The following AK5 variants were observed in gnomAD, a reference collection of about 807,000 sequenced individuals.
The protein encoded by AK5 is adenylate kinase 5.
In AK5, 27 loss-of-function variants were observed where a neutral mutation model predicts 69.5. That is an observed-to-expected ratio of 0.39 (90% CI 0.29 to 0.54). The LOEUF (loss-of-function observed/expected upper bound fraction) is 0.54. Among genes scored for constraint, AK5 ranks in the 20% least tolerant of loss-of-function variants. The pLI is 0.71. For synonymous variants in AK5, 260 were observed against 244.4 expected (o/e 1.06, Z -0.60); for missense variants, 531 against 700.4 (o/e 0.76, Z 2.73).
intron 6 of AK5, among the ~76,000 whole-genome samples, chr1:77,373,630 G>A (rs1647162521): frequency 6.6e-6 from 1 of 151,978 alleles, no homozygotes; most frequent in African/African-American, 2.4e-5. Flanking sequence ...GGAGGCTGAG[G>A]CAGAACAATC....
chr1:77,361,192 C>T (rs1470312735), intron 6 of AK5, among the ~76,000 whole-genome samples: 2 of 152,206 alleles, frequency 1.3e-5, no homozygotes, highest in African/African-American at 2.4e-5. Context: ...ACTCAAGCCT[C>T]TACAGTCTCC....
chr1:77,516,318 G>A (rs930815037), intron 10 of AK5, among the ~76,000 whole-genome samples: 4 of 152,106 alleles, frequency 2.6e-5, no homozygotes, highest in African/African-American at 9.7e-5. Flanking sequence ...CTAGGGAAGT[G>A]AGGAGATGTG....
chr1:77,309,679 G>T (rs866682614), intron 5 of AK5, among the ~76,000 whole-genome samples: 1 of 151,992 alleles, frequency 6.6e-6, no homozygotes, highest in Non-Finnish European at 1.5e-5. Context: ...AAGTGTTTCT[G>T]TATCACTATT....
At chr1:77,363,363 A>G (rs532974785) in intron 6 of AK5, among the ~76,000 whole-genome samples, 2 of 152,120 alleles carry the variant, frequency 1.3e-5, no homozygotes, top group African/African-American at 2.4e-5. Context: ...AAGCCACACC[A>G]TCTCTCTACT....
chr1:77,350,784 C>A (rs1373952723), intron 6 of AK5, among the ~76,000 whole-genome samples: 4 of 151,992 alleles, frequency 2.6e-5, no homozygotes, highest in African/African-American at 9.7e-5. Context: ...CATGGCAAGG[C>A]TGAAAGGAAA....
chr1:77,508,751 C>T (rs1657159324), intron 10 of AK5, among the ~76,000 whole-genome samples: 1 of 151,922 alleles, frequency 6.6e-6, no homozygotes, highest in African/African-American at 2.4e-5. Flanking sequence ...CCTGTAATCC[C>T]AGCTACTCGA....
At chr1:77,396,575 T>G (rs1648843208) in intron 6 of AK5, among the ~76,000 whole-genome samples, 1 of 152,192 alleles carries the variant, frequency 6.6e-6, no homozygotes, top group Non-Finnish European at 1.5e-5. Context: ...GACCTGGGAA[T>G]AGTGAGTAAG....
intron 5 of AK5, among the ~76,000 whole-genome samples, chr1:77,312,817 G>A (rs1405266103): frequency 2.6e-5 from 4 of 151,856 alleles, no homozygotes; most frequent in African/African-American, 9.7e-5. Context: ...TCCCTCTGAG[G>A]GGTTGATCCC....
In AK5 at chr1:77,558,696, T is replaced by A. The variant is rs142470217; in HGVS notation, c.*26T>A. On this transcript the variant is annotated 3_prime_UTR_variant, in exon 14 of 14. Transcript: ENST00000354567. ...AGGCAAAAATGCATGTTTGTTAGAATGGAAACAGAAAAACATTAAAAAGTT... is the reference window on the plus strand; with the variant it reads ...AGGCAAAAATGCATGTTTGTTAGAAAGGAAACAGAAAAACATTAAAAAGTT... The A allele has an allele frequency of 2.1e-6, 3 of 1,462,126 alleles. No individual in the cohort carries two copies. In the South Asian group the frequency reaches 3.5e-5, roughly 17 times the overall value. The allele number at this position is 1,462,126 out of a possible 1,614,324, so 90.6% of individuals were successfully genotyped here.
At chr1:77,292,036 C>T (rs564527388) in intron 2 of AK5, among the ~76,000 whole-genome samples, 2 of 152,220 alleles carry the variant, frequency 1.3e-5, no homozygotes, top group African/African-American at 4.8e-5. Context: ...GCAGGTAGAT[C>T]AGTAAATAGT....
chr1:77,287,712 C>T (rs1557463795), intron 2 of AK5, among the ~76,000 whole-genome samples: 2 of 152,112 alleles, frequency 1.3e-5, no homozygotes, highest in South Asian at 2.1e-4. Flanking sequence ...AGCGCAGCCA[C>T]GTGGTGGAAG....
At chr1:77,306,403 C>G (rs539316599) in intron 5 of AK5, among the ~76,000 whole-genome samples, 1 of 151,802 alleles carries the variant, frequency 6.6e-6, no homozygotes, top group Non-Finnish European at 1.5e-5. Context: ...GTATGTTGAA[C>G]CATCTTTGCA....
intron 6 of AK5, among the ~76,000 whole-genome samples, chr1:77,379,934 G>T (rs910671982): frequency 6.6e-6 from 1 of 152,196 alleles, no homozygotes; most frequent in African/African-American, 2.4e-5. Flanking sequence ...TTTATTGTAA[G>T]AAGGCTGGAT....
chr1:77,511,481 C>G (rs1310557143), intron 10 of AK5, among the ~76,000 whole-genome samples: 1 of 152,104 alleles, frequency 6.6e-6, no homozygotes, highest in East Asian at 1.9e-4. Flanking sequence ...CAGTCTTCAT[C>G]TTAGTGAGTA....
At chr1:77,358,195 TATG>T (rs1662649297) in intron 6 of AK5, among the ~76,000 whole-genome samples, 2 of 152,190 alleles carry the variant, frequency 1.3e-5, no homozygotes, top group African/African-American at 2.4e-5. Context: ...AGTGTTTTTC[TATG>T]ATATTTTGAC....
At chr1:77,491,304 A>ATTTT (rs10700619) in intron 10 of AK5, among the ~76,000 whole-genome samples, 41,651 of 88,036 alleles carry the variant, frequency 0.47, 10,057 homozygotes, top group Admixed American at 0.52. Context: ...CATGAATTGA[A>ATTTT]TTTTTTTTTT....
chr1:77,324,013 T>A (rs1180927337), intron 5 of AK5, among the ~76,000 whole-genome samples: 1 of 152,134 alleles, frequency 6.6e-6, no homozygotes, highest in Non-Finnish European at 1.5e-5. Flanking sequence ...TGAAAGCAGC[T>A]GCTGCTGCTG....
At chr1:77,418,372 C>G (rs147974589) in intron 8 of AK5, among the ~76,000 whole-genome samples, 108 of 152,330 alleles carry the variant, frequency 7.1e-4, no homozygotes, top group African/African-American at 2.5e-3. Flanking sequence ...TCATCTCCCA[C>G]TGGCTCCCTC....
At chr1:77,365,410 G>A (rs571203368) in intron 6 of AK5, among the ~76,000 whole-genome samples, 25 of 152,276 alleles carry the variant, frequency 1.6e-4, no homozygotes, top group South Asian at 4.1e-4. Flanking sequence ...TCCTGGGTTT[G>A]GGCAATGTTA....
Sources: allele counts gnomAD v4.1 joint callset (sites outside exome capture counted in the v4.1 genomes callset), GRCh38; gene constraint gnomAD v4.1.1; transcripts MANE v1.5; gene names NCBI Gene and HGNC (gene_info 2026-07-23, HGNC 2026-07-21).